Variants in DLGAP2 observed in about 807,000 individuals in gnomAD.
DLGAP2 encodes disks large-associated protein 2.
Under a neutral mutation model 100.3 loss-of-function variants are expected in DLGAP2, and 26 were observed. That is an observed-to-expected ratio of 0.26 (90% confidence interval 0.19 to 0.36). The LOEUF (loss-of-function observed/expected upper bound fraction) is 0.36. Ranked by LOEUF, DLGAP2 falls within the 10% of genes least tolerant of loss-of-function variation. The pLI is 1.00. For missense variants in DLGAP2, 1,858 were observed against 1,453.2 expected (o/e 1.28, Z -4.53); for synonymous variants, 886 against 630.1 (o/e 1.41, Z -6.08).
At chr8:830,246 C>G (rs1235463536) in intron 1 of DLGAP2, among the ~76,000 whole-genome samples, 1 of 152,236 alleles carries the variant, frequency 6.6e-6, no homozygotes, top group Middle Eastern at 3.4e-3. Flanking sequence ...GTGTAATAAT[C>G]ACATCAGGGT....
intron 2 of DLGAP2, among the ~76,000 whole-genome samples, chr8:1,241,965 C>T (rs1386389428): frequency 6.6e-6 from 1 of 152,178 alleles, no homozygotes; most frequent in Non-Finnish European, 1.5e-5. Context: ...TCTACTGAAA[C>T]ATTCCTTTAT....
At chr8:1,537,686 G>T (rs1801198466) in intron 4 of DLGAP2, among the ~76,000 whole-genome samples, 1 of 151,934 alleles carries the variant, frequency 6.6e-6, no homozygotes, top group African/African-American at 2.4e-5. Context: ...TGGATGCAAG[G>T]ATGGAAGGAT....
At chr8:1,382,741 C>G (rs1796125608) in intron 3 of DLGAP2, among the ~76,000 whole-genome samples, 1 of 151,794 alleles carries the variant, frequency 6.6e-6, no homozygotes, top group African/African-American at 2.4e-5. Flanking sequence ...GACCCTGTCT[C>G]AAAGGGGAAA....
intron 3 of DLGAP2, among the ~76,000 whole-genome samples, chr8:1,314,767 CTCTT>C: frequency 6.6e-6 from 1 of 152,346 alleles, no homozygotes; most frequent in Admixed American, 6.5e-5. Flanking sequence ...CCACTTCTCT[CTCTT>C]TTCTGAATTT....
At chr8:1,039,079 A>G (rs1187833377) in intron 2 of DLGAP2, among the ~76,000 whole-genome samples, 2 of 152,216 alleles carry the variant, frequency 1.3e-5, no homozygotes, top group South Asian at 2.1e-4. Context: ...TAAAATGGAA[A>G]CAATCACCTC....
chr8:1,168,094 A>G (rs1286212068), intron 2 of DLGAP2, among the ~76,000 whole-genome samples: 1 of 128,612 alleles, frequency 7.8e-6, no homozygotes, highest in African/African-American at 3.0e-5. Context: ...ACGTGTTCTC[A>G]TTGTTCAGTT....
chr8:1,528,086 C>A (rs1433545890), intron 4 of DLGAP2, among the ~76,000 whole-genome samples: 1 of 152,236 alleles, frequency 6.6e-6, no homozygotes, highest in Non-Finnish European at 1.5e-5. Context: ...ACGTGGCTTC[C>A]AGCCACTGCA....
At chr8:1,173,648 A>G (rs2116683625) in intron 2 of DLGAP2, among the ~76,000 whole-genome samples, 1 of 152,282 alleles carries the variant, frequency 6.6e-6, no homozygotes, top group Admixed American at 6.5e-5. Flanking sequence ...TGTGCTAGCA[A>G]TCAGCAAGAC....
intron 3 of DLGAP2, among the ~76,000 whole-genome samples, chr8:1,275,927 ATAGT>A (rs1799681379): frequency 1.9e-4 from 24 of 123,672 alleles, no homozygotes; most frequent in Middle Eastern, 3.8e-3. Flanking sequence ...ATAAATATAT[ATAGT>A]ATATAAATAT....
chr8:1,096,397 G>A (rs1804367630), intron 2 of DLGAP2, among the ~76,000 whole-genome samples: 1 of 152,264 alleles, frequency 6.6e-6, no homozygotes, highest in African/African-American at 2.4e-5. Flanking sequence ...GGACCAGTGT[G>A]TTAGCACAAA....
chr8:988,579 T>C (rs1800554207), intron 2 of DLGAP2, among the ~76,000 whole-genome samples: 1 of 152,176 alleles, frequency 6.6e-6, no homozygotes, highest in Admixed American at 6.5e-5. Context: ...CCTGGGGGTG[T>C]CTGGCCTCAG....
chr8:1,487,268 G>C (rs188207867), intron 3 of DLGAP2, among the ~76,000 whole-genome samples: 202 of 152,274 alleles, frequency 1.3e-3, no homozygotes, highest in African/African-American at 4.6e-3. Flanking sequence ...ACCCAGAGTG[G>C]AATAAATGAA....
chr8:1,250,779 C>G (rs1585192033), intron 2 of DLGAP2, among the ~76,000 whole-genome samples: 1 of 152,172 alleles, frequency 6.6e-6, no homozygotes. Context: ...ATTGAAGGAA[C>G]TGTCCTACAC....
At chr8:1,479,731 CT>C (rs1799036841) in intron 3 of DLGAP2, among the ~76,000 whole-genome samples, 1 of 152,158 alleles carries the variant, frequency 6.6e-6, no homozygotes, top group South Asian at 2.1e-4. Flanking sequence ...TCAAGGTAGT[CT>C]TTTCCTTGTG....
chr8:1,441,633 A>G (rs1459394800), intron 3 of DLGAP2, among the ~76,000 whole-genome samples: 1 of 149,360 alleles, frequency 6.7e-6, no homozygotes, highest in Non-Finnish European at 1.5e-5. Context: ...GGTTGCAGTG[A>G]GCCGAGATCA....
chr8:1,355,618 C>T (rs766644762), intron 3 of DLGAP2, among the ~76,000 whole-genome samples: 1 of 152,172 alleles, frequency 6.6e-6, no homozygotes, highest in Admixed American at 6.5e-5. Flanking sequence ...CTGTCTCGGC[C>T]TCCCAGGGTG....
At chr8:1,693,932 CA>C (rs1256940609) in intron 13 of DLGAP2, among the ~76,000 whole-genome samples, 1 of 152,150 alleles carries the variant, frequency 6.6e-6, no homozygotes, top group Non-Finnish European at 1.5e-5. Context: ...TGATTCGGGC[CA>C]CTGACGAACT....
intron 1 of DLGAP2, among the ~76,000 whole-genome samples, chr8:887,105 C>T (rs536039107): frequency 2.0e-5 from 3 of 152,196 alleles, no homozygotes; most frequent in South Asian, 2.1e-4. Context: ...TCGAATTGAT[C>T]CCTTTACCAT....
rs1001454131 is a variant in DLGAP2, at chr8:1,208,366, G to T, written c.74-50485G>T. Among the ~76,000 whole-genome samples the T allele has an allele frequency of 3.9e-5, 6 of 152,064 alleles. No individual in the cohort carries two copies. The South Asian group carries it at 1.2e-3, about 32-fold the overall frequency. ...TTGTTTGGTTTGTTAAAGATCAGTT[G>T]GCTGTAAAATCACATGATCATCTCA... On this transcript the variant is annotated intron_variant, in intron 2 of 14. Transcript: ENST00000637795.
Sources: gnomAD v4.1 joint callset for allele counts (sites outside exome capture counted in the v4.1 genomes callset) on GRCh38, gnomAD v4.1.1 for gene constraint, MANE v1.5 for transcripts, NCBI Gene and HGNC (gene_info 2026-07-23, HGNC 2026-07-21) for gene names.